The following HERC2 variants were observed in gnomAD, a reference collection of about 807,000 sequenced individuals.
HERC2 encodes the protein E3 ubiquitin-protein ligase HERC2.
In HERC2, 102 loss-of-function variants were observed where a neutral mutation model predicts 537.7. The ratio of observed to expected loss-of-function variants is 0.19; its 90% confidence interval spans 0.16 to 0.22. HERC2 has a LOEUF of 0.22. Among genes scored for constraint, HERC2 ranks in the 10% least tolerant of loss-of-function variants. The probability of loss-of-function intolerance (pLI) is 1.00; values close to 1 mark genes in which losing one functional copy is unlikely to be tolerated. For synonymous variants in HERC2, 2,224 were observed against 2,466.2 expected (o/e 0.90, Z 2.91); for missense variants, 4,236 against 6,198.2 (o/e 0.68, Z 10.63).
At chr15:28,294,942 T>C (rs1307778761) in intron 3 of HERC2, among the ~76,000 whole-genome samples, 1 of 151,970 alleles carries the variant, frequency 6.6e-6, no homozygotes, top group Non-Finnish European at 1.5e-5. Flanking sequence ...ACTGGTTCCA[T>C]GATACAGCTT....
At chr15:28,240,042 T>C (rs1459589385) in intron 23 of HERC2, among the ~76,000 whole-genome samples, 1 of 141,786 alleles carries the variant, frequency 7.1e-6, no homozygotes, top group Admixed American at 6.7e-5. Flanking sequence ...GACAAGATAA[T>C]GATATTGTAG....
Position 28,234,239 on chromosome 15 carries a change from TG to T in HERC2, c.4048del (p.Gln1350ArgfsTer56). 6.4e-7 allele frequency: 1 copy of T among 1,570,384 alleles called. No homozygotes were observed. The highest frequency in any genetic ancestry group is 8.8e-7 in the Non-Finnish European group (1 of 1,142,782). ...CTCCTCGTTGTAGCTGTAGTGGATC[TG>T]GCTGGTCTGCAGGCCTCCAGAGAAG... ...SIFSGGLQTSQIHYSYNEEKD... is the reference protein window; with the variant it reads ...SIFSGGLQTSXIHYSYNEEKD... On this transcript the variant is annotated frameshift_variant, in exon 27 of 93. Transcript: ENST00000261609. LOFTEE classifies it high-confidence loss of function.
At chr15:28,190,859 T>A (rs1056546181) in intron 55 of HERC2, 106 bp downstream of exon 55, 4 of 739,142 alleles carry the variant, frequency 5.4e-6, no homozygotes, top group Admixed American at 2.3e-5. Flanking sequence ...AAGAACCAAT[T>A]ATTTAAACGG....
chr15:28,272,496 T>C, intron 8 of HERC2, 110 bp from the exon 9 acceptor site: 1 of 1,034,422 alleles, frequency 9.7e-7, no homozygotes. Flanking sequence ...ATACTTGGGA[T>C]TTGAAAGGAA....
At chr15:28,194,790 T>C (rs1046371900) in intron 52 of HERC2, among the ~76,000 whole-genome samples, 2 of 152,188 alleles carry the variant, frequency 1.3e-5, no homozygotes, top group Non-Finnish European at 2.9e-5. Flanking sequence ...ATGCAGTGGC[T>C]CATGCATGTA....
Position 28,256,132 on chromosome 15 carries a change from C to T in HERC2, c.2703G>A (p.Ala901=), listed in dbSNP as rs745376326. Residue 901 remains alanine (A), a synonymous_variant, in exon 18 of 93, where the codon GCG becomes GCA. Coordinates refer to ENST00000261609, the MANE Select transcript of HERC2 (RefSeq NM_004667.6). ...QSGWSVLLPT[A]EERARALSAL... The stretch of plus-strand genomic sequence containing the variant: ...CAGAGAGTGCCCGGGCCCGCTCCTC[C>T]GCGGTGGGCAGCAGCACGGACCAGC... 2.4e-5 allele frequency: 38 copies of T among 1,601,852 alleles called. No individual in the cohort carries two copies. The highest frequency in any genetic ancestry group is 1.5e-4 in the South Asian group (14 of 90,992).
intron 85 of HERC2, among the ~76,000 whole-genome samples, chr15:28,123,680 T>C (rs904801407): frequency 6.6e-6 from 1 of 152,068 alleles, no homozygotes; most frequent in Non-Finnish European, 1.5e-5. Flanking sequence ...CCTGTGTCAG[T>C]GGGGACTTGC....
chr15:28,143,318 T>A (rs558057887), intron 74 of HERC2, among the ~76,000 whole-genome samples: 76 of 152,234 alleles, frequency 5.0e-4, no homozygotes, highest in South Asian at 1.0e-3. Context: ...CATTGTAAAG[T>A]CCAATCAACA....
chr15:28,223,873 C>T (rs1170953420), intron 35 of HERC2, among the ~76,000 whole-genome samples: 3 of 152,058 alleles, frequency 2.0e-5, no homozygotes, highest in African/African-American at 4.8e-5. Flanking sequence ...CACATGAATA[C>T]TATCAACAGA....
At chr15:28,148,805 GA>G (rs1892052646) in intron 70 of HERC2, among the ~76,000 whole-genome samples, 1 of 141,384 alleles carries the variant, frequency 7.1e-6, no homozygotes, top group African/African-American at 2.7e-5. Flanking sequence ...ACGGCCACAC[GA>G]ACGTACATTC....
intron 2 of HERC2, among the ~76,000 whole-genome samples, chr15:28,311,070 G>A (rs1220507978): frequency 5.1e-4 from 32 of 63,144 alleles, no homozygotes; most frequent in Non-Finnish European, 7.6e-4. Context: ...GAGTGGGACT[G>A]CATCTCAAAA....
chr15:28,223,764 G>A (rs899792938), intron 35 of HERC2, among the ~76,000 whole-genome samples: 3 of 152,146 alleles, frequency 2.0e-5, no homozygotes, highest in Non-Finnish European at 4.4e-5. Flanking sequence ...TAAATGACAA[G>A]AAGGATACCC....
rs760525874 is a variant in HERC2, at chr15:28,169,526, G to T, written c.10187C>A (p.Ala3396Asp). ...CAATGCTGTAAGAATATGTGATAAG[G>T]CCTGCTGTTTGGCCAGATTTCCATC... Reference protein sequence around the residue: ...SLDGNLAKQQALSHILTALQI... With the variant: ...SLDGNLAKQQDLSHILTALQI... Residue 3396 changes from alanine (A) to aspartate (D), a missense_variant, in exon 66 of 93, where the codon GCC (alanine) becomes GAC (aspartate). This residue lies in a region of HERC2 where 356 missense variants were observed against 450.9 expected (regional missense o/e 0.79). Coordinates refer to ENST00000261609, the MANE Select transcript of HERC2 (RefSeq NM_004667.6). 3.7e-6 allele frequency: 6 copies of T among 1,611,236 alleles called. No homozygotes were observed. The highest frequency in any genetic ancestry group is 1.3e-5 in the African/African-American group (1 of 74,866).
chr15:28,133,220 C>G (rs1240529965), intron 79 of HERC2, among the ~76,000 whole-genome samples: 1 of 152,068 alleles, frequency 6.6e-6, no homozygotes, highest in East Asian at 1.9e-4. Flanking sequence ...ACCTCACCCC[C>G]ACTATGAATT....
chr15:28,141,555 C>A lies in HERC2; in HGVS notation c.11892G>T (p.Gln3964His). 1 of 1,614,200 alleles carries A rather than the reference C, an allele frequency of 6.2e-7. No individual in the cohort carries two copies. The highest frequency in any genetic ancestry group is 8.5e-7 in the Non-Finnish European group (1 of 1,180,050). ...CTTTTGCGCCTTCAATGCCCCCGAG[C>A]TGGCCCCTGTGATTATGTCCCCATC... ...IYGWGHNHRGQLGGIEGAKVK... is the reference protein window; with the variant it reads ...IYGWGHNHRGHLGGIEGAKVK... The change falls in exon 78 of 93, where the codon CAG (glutamine) becomes CAT (histidine). Residue 3964 changes from glutamine to histidine, a missense_variant. Physicochemically the swap from Gln to His is conservative, Grantham distance 24. Transcript: ENST00000261609.
rs1437592139 is a variant in HERC2, at chr15:28,179,174, T to C, written c.8987A>G (p.Gln2996Arg). The change falls in exon 58 of 93, where the codon CAG (glutamine) becomes CGG (arginine). Residue 2996 changes from glutamine to arginine, a missense_variant. By Grantham distance (43) the Gln-to-Arg change is conservative. Coordinates refer to ENST00000261609, the MANE Select transcript of HERC2 (RefSeq NM_004667.6). Reference protein sequence around the residue: ...SETLSALNVVQVAGGSKSLFA... With the variant: ...SETLSALNVVRVAGGSKSLFA... ...CAAACTTTTAGATCCACCAGCCACC[T>C]GTACCACATTCAAAGCTGACAGTGT... 2 of 1,613,144 alleles carry C rather than the reference T, an allele frequency of 1.2e-6. No homozygotes were observed. Among genetic ancestry groups the C allele is most frequent in the African/African-American group, 2.7e-5 (2 of 74,902 alleles).
Position 28,152,658 on chromosome 15 carries a change from C to G in HERC2, c.10900+19G>C, listed in dbSNP as rs1892573766. The G allele has an allele frequency of 6.6e-7, 1 of 1,526,026 alleles. No homozygotes were observed. Among genetic ancestry groups the G allele is most frequent in the African/African-American group, 1.4e-5 (1 of 72,592 alleles). The allele number at this position is 1,526,026 out of a possible 1,614,324, so 94.5% of individuals were successfully genotyped here. On this transcript the variant is annotated intron_variant, in intron 70 of 92. Coordinates refer to ENST00000261609, the MANE Select transcript of HERC2 (RefSeq NM_004667.6). ...AGGTGGGAAAGGCTGCAGCTCCCCG[C>G]TGGGGCCAGCCCCTGTACCTGGTAT...
intron 2 of HERC2, among the ~76,000 whole-genome samples, chr15:28,317,743 T>C (rs2077127564): frequency 1.3e-5 from 2 of 152,178 alleles, no homozygotes; most frequent in African/African-American, 4.8e-5. Context: ...AGACCCTTGA[T>C]AGAATGGCAC....
intron 14 of HERC2, among the ~76,000 whole-genome samples, chr15:28,263,501 C>T (rs908567021): frequency 6.6e-6 from 1 of 152,198 alleles, no homozygotes; most frequent in African/African-American, 2.4e-5. Context: ...GGGCCTGGCA[C>T]ATTGCAGATG....
Sources: gnomAD v4.1 joint callset for allele counts (sites outside exome capture counted in the v4.1 genomes callset) on GRCh38, gnomAD v4.1.1 for gene constraint, gnomAD v4.1.1 regional missense constraint, MANE v1.5 for transcripts, NCBI Gene and HGNC (gene_info 2026-07-23, HGNC 2026-07-21) for gene names.